USP14: variants seen among roughly 807,000 people sequenced by gnomAD.
USP14 encodes the protein ubiquitin specific peptidase 14, also known as ubiquitin carboxyl-terminal hydrolase 14.
Under a neutral mutation model 76.5 loss-of-function variants are expected in USP14, and 38 were observed. The observed-to-expected ratio is 0.50, with a 90% CI of 0.38 to 0.65. USP14 has a LOEUF of 0.65. Ranked by LOEUF, USP14 falls within the 30% of genes least tolerant of loss-of-function variation. The probability of loss-of-function intolerance (pLI) is 0.00; values close to 1 mark genes in which losing one functional copy is unlikely to be tolerated. For missense variants in USP14, 467 were observed against 586.5 expected (o/e 0.80, Z 2.10); for synonymous variants, 192 against 191.7 (o/e 1.00, Z -0.01).
At chr18:172,441 T>G (rs961984651) in intron 3 of USP14, among the ~76,000 whole-genome samples, 2 of 152,212 alleles carry the variant, frequency 1.3e-5, no homozygotes, top group African/African-American at 4.8e-5. Context: ...GTAGGCTTAC[T>G]TGATAAAGCA....
rs546340501 is a variant in USP14 at position 200,054 on chromosome 18, C to G, written c.876+738C>G. Among the ~76,000 whole-genome samples, 108 of 152,308 alleles carry G rather than the reference C, an allele frequency of 7.1e-4. 1 individual carries two copies. Among genetic ancestry groups the G allele is most frequent in the African/African-American group, 2.4e-3 (99 of 41,572 alleles). Reference sequence around the variant, plus strand: ...ATATTGGGACATCTCACTTTTTAATCACTGGGTGTTCCTGCTTCACACTGT... The same window carrying G: ...ATATTGGGACATCTCACTTTTTAATGACTGGGTGTTCCTGCTTCACACTGT... On this transcript the variant is annotated intron_variant, in intron 10 of 15. Transcript: ENST00000261601.
chr18:168,382 A>G (rs901885256), intron 3 of USP14, among the ~76,000 whole-genome samples: 31 of 152,078 alleles, frequency 2.0e-4, no homozygotes, highest in African/African-American at 6.8e-4. Context: ...CTCCCTTTTC[A>G]ATATTCGTGA....
In USP14 at chr18:210,472, T is replaced by TC; in HGVS notation, c.1313dup (p.Trp439MetfsTer8). On this transcript the variant is annotated frameshift_variant, in exon 15 of 16. Transcript: ENST00000261601. LOFTEE classifies it high-confidence loss of function. ...GTCTAGTTCTTCAGGTCATTATGTATCATGGGTGAAAAGGAAACAAGGTAA... is the reference window on the plus strand; with the variant it reads ...GTCTAGTTCTTCAGGTCATTATGTATCCATGGGTGAAAAGGAAACAAGGTAA... 6.2e-7 allele frequency: 1 copy of TC among 1,609,226 alleles called. No individual in the cohort carries two copies. Among genetic ancestry groups the TC allele is most frequent in the Non-Finnish European group, 8.5e-7 (1 of 1,177,078 alleles).
chr18:178,855 G>C, intron 3 of USP14, 78 bp from the exon 4 acceptor site: 1 of 1,068,696 alleles, frequency 9.4e-7, no homozygotes, highest in Non-Finnish European at 1.4e-6. Flanking sequence ...GTGTTCTTTT[G>C]TTCCTGGCTT....
intron 3 of USP14, among the ~76,000 whole-genome samples, chr18:173,364 G>A (rs1309300813): frequency 6.6e-6 from 1 of 151,586 alleles, no homozygotes; most frequent in Non-Finnish European, 1.5e-5. Flanking sequence ...GCCCGCCTTG[G>A]CCTCCCAAAG....
At chr18:189,275 A>G (rs1910021631) in intron 5 of USP14, among the ~76,000 whole-genome samples, 1 of 151,382 alleles carries the variant, frequency 6.6e-6, no homozygotes. Flanking sequence ...ATTTTTTCTT[A>G]TTTCTGTTTA....
chr18:166,543 G>A (rs964541873), intron 2 of USP14, among the ~76,000 whole-genome samples: 2 of 152,060 alleles, frequency 1.3e-5, no homozygotes, highest in African/African-American at 2.4e-5. Context: ...ATATTGGTCC[G>A]GCTGGTTTCG....
chr18:189,221 C>T (rs528385871), intron 5 of USP14, among the ~76,000 whole-genome samples: 2 of 151,826 alleles, frequency 1.3e-5, no homozygotes, highest in East Asian at 3.9e-4. Context: ...TTTGTTCATT[C>T]AATTTTTTGA....
chr18:195,597 G>T (rs184066575), intron 6 of USP14, among the ~76,000 whole-genome samples: 8 of 152,304 alleles, frequency 5.3e-5, no homozygotes, highest in African/African-American at 1.9e-4. Context: ...GCTGAGAGGG[G>T]TAAGTGGAAA....
At chr18:176,130 T>G (rs943530244) in intron 3 of USP14, among the ~76,000 whole-genome samples, 1 of 152,100 alleles carries the variant, frequency 6.6e-6, no homozygotes, top group Admixed American at 6.5e-5. Context: ...CAAGCCAGAG[T>G]TTTGTCAGTT....
At chr18:187,593 C>G in intron 5 of USP14, among the ~76,000 whole-genome samples, 1 of 152,204 alleles carries the variant, frequency 6.6e-6, no homozygotes, top group South Asian at 2.1e-4. Flanking sequence ...TCTTATTTGA[C>G]TTTCAGTAAG....
intron 6 of USP14, among the ~76,000 whole-genome samples, chr18:195,089 T>C (rs2143060205): frequency 6.6e-6 from 1 of 152,240 alleles, no homozygotes; most frequent in East Asian, 1.9e-4. Flanking sequence ...TGCATTTAGT[T>C]GTTATATCTT....
At chr18:206,390 C>T (rs2143094955) in intron 13 of USP14, among the ~76,000 whole-genome samples, 1 of 152,256 alleles carries the variant, frequency 6.6e-6, no homozygotes, top group South Asian at 2.1e-4. Flanking sequence ...TCCCTATTTT[C>T]TAATTGTACT....
chr18:172,521 A>G (rs977513959), intron 3 of USP14, among the ~76,000 whole-genome samples: 8 of 152,214 alleles, frequency 5.3e-5, no homozygotes, highest in African/African-American at 1.7e-4. Flanking sequence ...GCTATTAAAC[A>G]GCACCGCAAG....
chr18:174,030 A>G (rs1653436213), intron 3 of USP14, among the ~76,000 whole-genome samples: 1 of 151,964 alleles, frequency 6.6e-6, no homozygotes, highest in African/African-American at 2.4e-5. Flanking sequence ...TGCGTTGGCT[A>G]TTCTGGGAAC....
chr18:197,467 TA>T (rs922575400), intron 7 of USP14, 148 bp from the exon 8 acceptor site: 1 of 607,202 alleles, frequency 1.6e-6, no homozygotes, highest in African/African-American at 1.8e-5. Flanking sequence ...TAGAATGCTT[TA>T]TTTTTTGGAA....
intron 3 of USP14, among the ~76,000 whole-genome samples, chr18:171,021 AAAAAATATATATATATATAT>A (rs1167973084): frequency 3.5e-5 from 3 of 84,554 alleles, no homozygotes; most frequent in East Asian, 7.8e-4. Flanking sequence ...AAAAAAAAAA[AAAAAATATATATATATATAT>A]ATATATATAT....
At chr18:205,640 A>T (rs1379105960) in intron 13 of USP14, among the ~76,000 whole-genome samples, 3 of 152,104 alleles carry the variant, frequency 2.0e-5, no homozygotes, top group African/African-American at 7.2e-5. Flanking sequence ...AATCAGTTGG[A>T]TGTGGTGGCA....
intron 1 of USP14, among the ~76,000 whole-genome samples, chr18:159,847 G>C (rs1339439293): frequency 6.6e-6 from 1 of 152,050 alleles, no homozygotes; most frequent in Non-Finnish European, 1.5e-5. Context: ...TATTTAATCA[G>C]ATCTTTTCCT....
Sources: gnomAD v4.1 joint callset for allele counts (sites outside exome capture counted in the v4.1 genomes callset) on GRCh38, gnomAD v4.1.1 for gene constraint, MANE v1.5 for transcripts, NCBI Gene and HGNC (gene_info 2026-07-23, HGNC 2026-07-21) for gene names.